Variants in ELOVL5 observed in about 807,000 individuals in gnomAD.
ELOVL5 encodes the protein very long chain fatty acid elongase 5.
ELOVL5 carries 8 observed loss-of-function variants against 38.6 expected under a neutral mutation model. That is an observed-to-expected ratio of 0.21 (90% CI 0.12 to 0.37). The LOEUF is 0.37. ELOVL5 is among the 10% of genes least tolerant of loss of function. The pLI, the probability that ELOVL5 is intolerant of heterozygous loss-of-function variation, is 1.00. For missense variants in ELOVL5, 280 were observed against 367.8 expected (o/e 0.76, Z 1.95); for synonymous variants, 127 against 133.7 (o/e 0.95, Z 0.34).
At chr6:53,345,389 C>T (rs1769495170) in intron 1 of ELOVL5, among the ~76,000 whole-genome samples, 3 of 152,192 alleles carry the variant, frequency 2.0e-5, no homozygotes, top group South Asian at 2.1e-4. Flanking sequence ...AGGCCCTTAA[C>T]ATGGATAGCT....
intron 3 of ELOVL5, among the ~76,000 whole-genome samples, chr6:53,285,713 A>G (rs764547880): frequency 1.3e-5 from 2 of 152,324 alleles, no homozygotes; most frequent in Non-Finnish European, 1.5e-5. Context: ...GGCACAAGCC[A>G]TCCTCCCACC....
chr6:53,302,038 T>C (rs761179), intron 1 of ELOVL5, among the ~76,000 whole-genome samples: 55,160 of 152,036 alleles, frequency 0.36, 11,108 homozygotes, highest in African/African-American at 0.55. Flanking sequence ...TCCCTCCCCA[T>C]GTACTATACT....
intron 1 of ELOVL5, among the ~76,000 whole-genome samples, chr6:53,324,034 A>G (rs890827697): frequency 1.3e-5 from 2 of 152,042 alleles, no homozygotes; most frequent in Non-Finnish European, 2.9e-5. Context: ...AGGCTGATCA[A>G]TTGAGGTCAG....
chr6:53,325,275 T>C (rs917363909), intron 1 of ELOVL5, among the ~76,000 whole-genome samples: 1 of 152,182 alleles, frequency 6.6e-6, no homozygotes, highest in Non-Finnish European at 1.5e-5. Flanking sequence ...CCAAAGAGAA[T>C]CATGTATGAT....
At chr6:53,324,927 A>G (rs1475877116) in intron 1 of ELOVL5, among the ~76,000 whole-genome samples, 4 of 152,214 alleles carry the variant, frequency 2.6e-5, no homozygotes, top group Non-Finnish European at 5.9e-5. Flanking sequence ...CTAGGGTGAT[A>G]TTGCATAAAT....
At chr6:53,295,765 A>G in intron 1 of ELOVL5, 58 bp from the exon 2 acceptor site, 1 of 1,051,778 alleles carries the variant, frequency 9.5e-7, no homozygotes, top group Non-Finnish European at 1.4e-6. Flanking sequence ...TTTATACAGT[A>G]TTTTTTCATA....
chr6:53,346,183 T>C (rs2127596573), intron 1 of ELOVL5, among the ~76,000 whole-genome samples: 1 of 152,304 alleles, frequency 6.6e-6, no homozygotes, highest in Non-Finnish European at 1.5e-5. Flanking sequence ...GTTCCTGTGT[T>C]AGTCTGCTGA....
At chr6:53,289,333 G>A (rs537211504) in intron 3 of ELOVL5, among the ~76,000 whole-genome samples, 14 of 152,278 alleles carry the variant, frequency 9.2e-5, no homozygotes, top group African/African-American at 3.4e-4. Flanking sequence ...GGGCCCCATG[G>A]GGCTTCATGA....
chr6:53,348,099 C>G (rs1277090257), intron 1 of ELOVL5, among the ~76,000 whole-genome samples: 1 of 151,896 alleles, frequency 6.6e-6, no homozygotes, highest in Non-Finnish European at 1.5e-5. Context: ...AGGGCCGCCC[C>G]GGTCGCCCCC....
intron 1 of ELOVL5, among the ~76,000 whole-genome samples, chr6:53,313,708 A>G (rs1018892483): frequency 1.3e-5 from 2 of 149,864 alleles, no homozygotes; most frequent in African/African-American, 5.0e-5. Context: ...TTTGAAAATG[A>G]AAAATAATAA....
intron 1 of ELOVL5, among the ~76,000 whole-genome samples, chr6:53,308,220 C>T (rs1767680136): frequency 6.6e-6 from 1 of 152,154 alleles, no homozygotes; most frequent in African/African-American, 2.4e-5. Flanking sequence ...TCCTCCCTGA[C>T]CTCATTTTCA....
chr6:53,278,518 C>G (rs746242077), intron 3 of ELOVL5, among the ~76,000 whole-genome samples: 14 of 152,142 alleles, frequency 9.2e-5, no homozygotes, highest in Non-Finnish European at 2.1e-4. Flanking sequence ...CCTAACGTTC[C>G]ATTTGCCCTC....
chr6:53,319,270 CA>C (rs59435925), intron 1 of ELOVL5, among the ~76,000 whole-genome samples: 2 of 74,890 alleles, frequency 2.7e-5, no homozygotes, highest in Admixed American at 1.9e-4. Flanking sequence ...GACTCCATCT[CA>C]AAAAAAAAAA....
chr6:53,331,509 C>G lies in ELOVL5; in HGVS notation c.-9+17308G>C, dbSNP rs182852840. Among the ~76,000 whole-genome samples, 12 of 152,254 alleles carry G rather than the reference C, an allele frequency of 7.9e-5. No individual in the cohort carries two copies. In the East Asian group the frequency reaches 2.1e-3, roughly 27 times the overall value. The stretch of plus-strand genomic sequence containing the variant: ...CATCTCCACAAACACATAAGTAATA[C>G]ACTGCCCTAGGACATTAAGATGACC... On this transcript the variant is annotated intron_variant, in intron 1 of 7. Coordinates refer to ENST00000304434, the MANE Select transcript of ELOVL5 (RefSeq NM_021814.5).
chr6:53,280,244 T>C (rs113988046), intron 3 of ELOVL5, among the ~76,000 whole-genome samples: 556 of 152,308 alleles, frequency 3.7e-3, no homozygotes, highest in Non-Finnish European at 6.1e-3. Context: ...AGGACTATAC[T>C]ATAATGAAAA....
At chr6:53,322,298 TAAG>T (rs1417319117) in intron 1 of ELOVL5, among the ~76,000 whole-genome samples, 3 of 152,218 alleles carry the variant, frequency 2.0e-5, no homozygotes, top group African/African-American at 7.2e-5. Flanking sequence ...GAACTTGAAG[TAAG>T]AAGACTCTTC....
intron 1 of ELOVL5, among the ~76,000 whole-genome samples, chr6:53,308,838 T>C (rs1015874463): frequency 1.5e-5 from 2 of 137,010 alleles, no homozygotes; most frequent in African/African-American, 5.5e-5. Context: ...TCTGCAGCAA[T>C]TCCCTGTTTC....
chr6:53,278,846 A>G (rs762080280), intron 3 of ELOVL5, among the ~76,000 whole-genome samples: 19 of 152,294 alleles, frequency 1.2e-4, no homozygotes, highest in Non-Finnish European at 2.6e-4. Flanking sequence ...CCATATTTCC[A>G]TATTTAAAAC....
At chr6:53,292,039 A>AGG in intron 2 of ELOVL5, 76 bp from the exon 3 acceptor site, 1 of 960,802 alleles carries the variant, frequency 1.0e-6, no homozygotes, top group Non-Finnish European at 1.5e-6. Context: ...TTCTCTAACC[A>AGG]TGATGATATA....
Sources: allele counts gnomAD v4.1 joint callset (sites outside exome capture counted in the v4.1 genomes callset), GRCh38; gene constraint gnomAD v4.1.1; transcripts MANE v1.5; gene names NCBI Gene and HGNC (gene_info 2026-07-23, HGNC 2026-07-21).